The following PCDHA2 variants were observed in gnomAD, a reference collection of about 807,000 sequenced individuals.
The protein encoded by PCDHA2 is protocadherin alpha-2.
A neutral mutation model predicts 66.0 loss-of-function variants in PCDHA2; 58 were observed. The observed-to-expected ratio is 0.88, with a 90% CI of 0.71 to 1.09. PCDHA2 has a LOEUF of 1.09. Among genes scored for constraint, PCDHA2 ranks in the 50% least tolerant of loss-of-function variants. The pLI is 0.00. For synonymous variants in PCDHA2, 634 were observed against 554.0 expected (o/e 1.14, Z -2.03); for missense variants, 1,267 against 1,242.3 (o/e 1.02, Z -0.30).
At chr5:140,829,036 A>T in intron 1 of PCDHA2, 7 of 1,613,076 alleles carry the variant, frequency 4.3e-6, no homozygotes, top group Non-Finnish European at 5.9e-6. Context: ...AAGAAAACTT[A>T]TACAAAATCC....
chr5:140,882,149 G>A (rs2058970957), intron 1 of PCDHA2: 2 of 1,501,900 alleles, frequency 1.3e-6, no homozygotes, highest in Middle Eastern at 4.3e-4. Flanking sequence ...ATAGCAGAAA[G>A]CGGAATACCT....
At chr5:140,863,181 C>T (rs782813569) in intron 1 of PCDHA2, 5 of 753,966 alleles carry the variant, frequency 6.6e-6, no homozygotes, top group Non-Finnish European at 1.1e-5. Flanking sequence ...CTGCCACCGT[C>T]ACCGTGGTGG....
intron 1 of PCDHA2, among the ~76,000 whole-genome samples, chr5:140,946,305 T>C (rs1484740423): frequency 6.6e-6 from 1 of 151,868 alleles, no homozygotes; most frequent in East Asian, 1.9e-4. Flanking sequence ...CCTGGTAGAA[T>C]GGCTATTATT....
intron 1 of PCDHA2, chr5:140,803,257 C>A: frequency 6.2e-7 from 1 of 1,613,906 alleles, no homozygotes; most frequent in Non-Finnish European, 8.5e-7. Context: ...GCTGGCGCCA[C>A]GGGCCCGGAA....
chr5:140,980,978 C>T (rs1482749121), intron 2 of PCDHA2, among the ~76,000 whole-genome samples: 1 of 152,032 alleles, frequency 6.6e-6, no homozygotes, highest in South Asian at 2.1e-4. Flanking sequence ...TCTGACTGAG[C>T]CCACACAATT....
At chr5:140,836,381 G>A in intron 1 of PCDHA2, 2 of 1,613,746 alleles carry the variant, frequency 1.2e-6, no homozygotes, top group Non-Finnish European at 1.7e-6. Context: ...CCACCGTGCT[G>A]GTGTCGCTGG....
At chr5:140,864,663 C>G (rs75209206) in intron 1 of PCDHA2, 1 of 152,176 alleles carries the variant, frequency 6.6e-6, no homozygotes, top group African/African-American at 2.4e-5. Flanking sequence ...ACTTAATTAC[C>G]TGTTGACTTA....
rs2150341086 is a variant in PCDHA2 at position 140,842,645 on chromosome 5, T to C, written c.2388+45293T>C. ...TTCGCTGTGGGCCACCGCCAGCTTG[T>C]CTGTGGAGGTGGCCGACGTGAACGA... On this transcript the variant is annotated intron_variant, in intron 1 of 3. Transcript: ENST00000526136. 5 of 1,595,026 alleles carry C rather than the reference T, an allele frequency of 3.1e-6. No individual in the cohort carries two copies. In the Admixed American group the frequency reaches 6.8e-5, roughly 22 times the overall value.
Position 140,824,088 on chromosome 5 carries a change from C to G in PCDHA2, c.2388+26736C>G, listed in dbSNP as rs145264014. On this transcript the variant is annotated intron_variant, in intron 1 of 3. Transcript: ENST00000526136. Reference sequence around the variant, plus strand: ...CACCCAAAACAGACCTCATGGCCTTCAGTCCAAGCCTTCCTCAGGGTCCCA... The same window carrying G: ...CACCCAAAACAGACCTCATGGCCTTGAGTCCAAGCCTTCCTCAGGGTCCCA... 1,047 of 1,614,190 alleles carry G rather than the reference C, an allele frequency of 6.5e-4. 5 individuals are homozygous for G. In the African/African-American group the frequency reaches 0.012, roughly 19 times the overall value.
chr5:140,851,090 A>G lies in PCDHA2; in HGVS notation c.2388+53738A>G. 3.9e-6 allele frequency: 5 copies of G among 1,295,740 alleles called. 1 individual carries two copies. Among genetic ancestry groups the G allele is most frequent in the African/African-American group, 1.5e-5 (1 of 65,588 alleles). The allele number at this position is 1,295,740 out of a possible 1,614,324, so 80.3% of individuals were successfully genotyped here. ...GAGAATTATAAACTGTATATTAAAT[A>G]GATATTTTTTGGGTGCTGAATCAAT... is the stretch of plus-strand genomic sequence containing the variant. On this transcript the variant is annotated intron_variant, in intron 1 of 3. Coordinates refer to ENST00000526136, the MANE Select transcript of PCDHA2 (RefSeq NM_018905.3).
intron 1 of PCDHA2, chr5:140,852,034 GT>G: frequency 1.1e-6 from 1 of 935,708 alleles, no homozygotes; most frequent in Non-Finnish European, 1.3e-6. Flanking sequence ...CGCTTATTGA[GT>G]TTTTGTTATG....
Position 141,012,278 on chromosome 5 carries a change from G to T in PCDHA2, c.*2341G>T, listed in dbSNP as rs545417237. ...CTGTAAGGATAAAACACGTCATGTG[G>T]ATTCATTTTGAATTGGTGCTATTGG... On this transcript the variant is annotated 3_prime_UTR_variant, in exon 4 of 4. Coordinates refer to ENST00000526136, the MANE Select transcript of PCDHA2 (RefSeq NM_018905.3). The T allele has an allele frequency of 6.5e-6, 1 of 153,848 alleles. No individual in the cohort carries two copies. The highest frequency in any genetic ancestry group is 2.1e-4 in the South Asian group (1 of 4,826). The allele number at this position is 153,848 out of a possible 1,614,324, so 9.5% of individuals were successfully genotyped here.
At chr5:140,877,697 C>A in intron 1 of PCDHA2, 2 of 1,613,912 alleles carry the variant, frequency 1.2e-6, no homozygotes, top group Non-Finnish European at 1.7e-6. Context: ...CTGGTGTGCT[C>A]CAGCGCCGTG....
At chr5:140,869,140 C>A in intron 1 of PCDHA2, 8 of 1,613,188 alleles carry the variant, frequency 5.0e-6, no homozygotes, top group African/African-American at 1.3e-5. Context: ...GGGCACCCCA[C>A]GACTACAGCT....
chr5:140,924,597 G>A lies in PCDHA2; in HGVS notation c.2389-54352G>A, dbSNP rs1278228526. ...ATGTTTTCAAATATTATAGAAATATGCAGGCTGATGCCAGGTGCGGTGGCA... is the reference window on the plus strand; with the variant it reads ...ATGTTTTCAAATATTATAGAAATATACAGGCTGATGCCAGGTGCGGTGGCA... On this transcript the variant is annotated intron_variant, in intron 1 of 3. Coordinates refer to ENST00000526136, the MANE Select transcript of PCDHA2 (RefSeq NM_018905.3). Among the ~76,000 whole-genome samples the A allele has an allele frequency of 2.6e-5, 4 of 152,078 alleles. No homozygotes were observed. The East Asian group carries it at 7.7e-4, about 29-fold the overall frequency.
intron 1 of PCDHA2, chr5:140,868,220 A>C (rs1360862031): frequency 6.6e-6 from 1 of 152,156 alleles, no homozygotes; most frequent in Admixed American, 6.5e-5. Context: ...TATATGTCAA[A>C]TAAAAACTCA....
At chr5:140,855,487 T>A (rs1554147815) in intron 1 of PCDHA2, among the ~76,000 whole-genome samples, 3 of 149,802 alleles carry the variant, frequency 2.0e-5, no homozygotes, top group Non-Finnish European at 1.5e-5. Flanking sequence ...GACATTAGTG[T>A]CTAAATAAAC....
At chr5:140,955,065 T>C (rs1258214145) in intron 1 of PCDHA2, among the ~76,000 whole-genome samples, 8 of 152,214 alleles carry the variant, frequency 5.3e-5, no homozygotes, top group Admixed American at 3.3e-4. Context: ...GTCAGGTTTG[T>C]TGAAGATCAG....
At chr5:140,906,323 A>C (rs1487570044) in intron 1 of PCDHA2, among the ~76,000 whole-genome samples, 1 of 152,212 alleles carries the variant, frequency 6.6e-6, no homozygotes, top group Admixed American at 6.5e-5. Flanking sequence ...AACATGATAC[A>C]ACTATCCTTC....
Sources: allele counts gnomAD v4.1 joint callset (sites outside exome capture counted in the v4.1 genomes callset), GRCh38; gene constraint gnomAD v4.1.1; transcripts MANE v1.5; gene names NCBI Gene and HGNC (gene_info 2026-07-23, HGNC 2026-07-21).